The following RAP1GAP2 variants were observed in gnomAD, a reference collection of about 807,000 sequenced individuals.
RAP1GAP2 encodes RAP1 GTPase activating protein 2.
A neutral mutation model predicts 95.0 loss-of-function variants in RAP1GAP2; 27 were observed. The ratio of observed to expected loss-of-function variants is 0.28; its 90% confidence interval spans 0.21 to 0.39. RAP1GAP2 has a LOEUF of 0.39. Ranked by LOEUF, RAP1GAP2 falls within the 10% of genes least tolerant of loss-of-function variation. The probability of loss-of-function intolerance (pLI) is 1.00; values close to 1 mark genes in which losing one functional copy is unlikely to be tolerated. For synonymous variants in RAP1GAP2, 373 were observed against 380.9 expected, an observed-to-expected ratio of 0.98 and a Z score of 0.24; for missense variants, 771 against 970.0, an observed-to-expected ratio of 0.79 and a Z score of 2.72.
chr17:2,875,129 C>T (rs549260173), intron 2 of RAP1GAP2, among the ~76,000 whole-genome samples: 3 of 152,110 alleles, frequency 2.0e-5, no homozygotes, highest in Non-Finnish European at 4.4e-5. Context: ...TGCAATGGTG[C>T]GATCTCGGCT....
rs2047158378 is a variant in RAP1GAP2, at chr17:3,027,359, T to G, written c.2107+289T>G. 6.6e-6 allele frequency among the ~76,000 whole-genome samples: 1 copy of G among 152,136 alleles called. No individual in the cohort carries two copies. The highest frequency in any genetic ancestry group is 1.5e-5 in the Non-Finnish European group (1 of 68,016). On this transcript the variant is annotated intron_variant, in intron 22 of 24. Coordinates refer to ENST00000254695, the MANE Select transcript of RAP1GAP2 (RefSeq NM_015085.5). This position sits in a 1 kb window ranked among gnomAD's most constrained non-coding sequence, Gnocchi z 5.2. ...TTGGCAGTGGGAAAGCTGAGCACTTTCCATTAGCCCTTCTCCCCACCTGCC... is the reference window on the plus strand; with the variant it reads ...TTGGCAGTGGGAAAGCTGAGCACTTGCCATTAGCCCTTCTCCCCACCTGCC...
chr17:2,927,293 A>C (rs1222841405), intron 3 of RAP1GAP2, among the ~76,000 whole-genome samples: 1 of 151,864 alleles, frequency 6.6e-6, no homozygotes, highest in Non-Finnish European at 1.5e-5. Flanking sequence ...AGCTGGGACT[A>C]CAGGCACCCG....
chr17:2,911,073 C>T (rs375800680), intron 3 of RAP1GAP2, among the ~76,000 whole-genome samples: 3 of 152,148 alleles, frequency 2.0e-5, no homozygotes, highest in South Asian at 2.1e-4. Flanking sequence ...GCTCATCTCA[C>T]GCTTGCGGGC....
At chr17:2,945,239 ATTTATTATT>A (rs1387189781) in intron 3 of RAP1GAP2, among the ~76,000 whole-genome samples, 3 of 151,984 alleles carry the variant, frequency 2.0e-5, no homozygotes, top group Non-Finnish European at 2.9e-5. Flanking sequence ...GTTTATTTTA[ATTTATTATT>A]TTTATTATTT....
intron 19 of RAP1GAP2, among the ~76,000 whole-genome samples, chr17:3,021,077 C>T (rs1375520997): frequency 6.6e-6 from 1 of 152,160 alleles, no homozygotes; most frequent in African/African-American, 2.4e-5. Flanking sequence ...AGTACTTGTG[C>T]ATATTTTTGG....
rs753861727 is a variant in RAP1GAP2 at position 2,957,761 on chromosome 17, G to A, written c.168G>A (p.Ser56=). 10 of 1,607,394 alleles carry A rather than the reference G, an allele frequency of 6.2e-6. No individual in the cohort carries two copies. The highest frequency in any genetic ancestry group is 2.3e-5 in the East Asian group (1 of 44,206). Residue 56 remains serine (S), a splice_region_variant and synonymous_variant, in exon 4 of 25, where the codon TCG becomes TCA. Transcript: ENST00000254695. The part of the protein sequence containing the change: ...PPLTAPPTMK[S]SEFFEMLEKM... ...GTCCCCCTGCTTTTGTCTTTCAGTC[G>A]TCGGAGTTCTTTGAGATGCTGGAGA...
chr17:3,008,193 G>C lies in RAP1GAP2; in HGVS notation c.1494+48G>C, dbSNP rs764718354. The C allele has an allele frequency of 1.2e-6, 2 of 1,609,720 alleles. No homozygotes were observed. Among genetic ancestry groups the C allele is most frequent in the East Asian group, 2.2e-5 (1 of 44,810 alleles). ...TGGTTGCTGTGGGGTTGGGATTGGG[G>C]AAGAAAGGAAGTGGTCCAAGGTCCA... On this transcript the variant is annotated intron_variant, in intron 17 of 24. Transcript: ENST00000254695. The surrounding 1 kb of genome is among the most constrained non-coding windows in gnomAD (Gnocchi z 4.2).
intron 2 of RAP1GAP2, among the ~76,000 whole-genome samples, chr17:2,809,493 A>G (rs1421550546): frequency 6.6e-6 from 1 of 152,100 alleles, no homozygotes; most frequent in African/African-American, 2.4e-5. Flanking sequence ...CCGAGACCCA[A>G]CCATCCCCGG....
At chr17:2,773,925 GT>G (rs2151437756), upstream of RAP1GAP2, among the ~76,000 whole-genome samples, 1 of 151,846 alleles carries the variant, frequency 6.6e-6, no homozygotes, top group African/African-American at 2.4e-5. Context: ...GCCCAACTAA[GT>G]TTTGTATTTT....
intron 3 of RAP1GAP2, among the ~76,000 whole-genome samples, chr17:2,950,799 T>C (rs986624294): frequency 6.6e-6 from 1 of 151,184 alleles, no homozygotes; most frequent in African/African-American, 2.4e-5. Context: ...TTAGTAGAGA[T>C]GGGGTTTCAT....
At chr17:2,978,476 T>C (rs919668534) in intron 8 of RAP1GAP2, among the ~76,000 whole-genome samples, 6 of 150,786 alleles carry the variant, frequency 4.0e-5, no homozygotes, top group Admixed American at 6.6e-5. Context: ...GTGGATAGAG[T>C]GGGATGGTGG....
chr17:2,854,374 G>A (rs1004146827), intron 2 of RAP1GAP2, among the ~76,000 whole-genome samples: 2 of 152,212 alleles, frequency 1.3e-5, no homozygotes, highest in East Asian at 3.9e-4. Flanking sequence ...GTCGCCCCCA[G>A]ACCCTTTGCA....
At chr17:2,874,330 A>G (rs1300456043) in intron 2 of RAP1GAP2, among the ~76,000 whole-genome samples, 1 of 152,164 alleles carries the variant, frequency 6.6e-6, no homozygotes, top group Admixed American at 6.5e-5. Flanking sequence ...CAAGGGAGGA[A>G]TGGTTGGAAT....
At chr17:2,837,253 GAAAAAAA>G (rs35688344) in intron 2 of RAP1GAP2, among the ~76,000 whole-genome samples, 2 of 112,760 alleles carry the variant, frequency 1.8e-5, no homozygotes, top group African/African-American at 6.6e-5. Flanking sequence ...TCTGTCTCTG[GAAAAAAA>G]AAAAAAAAAA....
intron 3 of RAP1GAP2, among the ~76,000 whole-genome samples, chr17:2,914,982 A>C (rs1463016747): frequency 1.4e-5 from 2 of 145,030 alleles, no homozygotes; most frequent in Admixed American, 1.4e-4. Flanking sequence ...AGTAAAGACA[A>C]GGTTTCACCA....
rs1002817394 is a variant in RAP1GAP2, at chr17:3,026,890, T to C, written c.1981-54T>C. ...TTTTGGGGGCTGCCTCAGGCCTGCG[T>C]GGGCGCAGCTGCCGAGGGTGGGCTG... is the stretch of plus-strand genomic sequence containing the variant. On this transcript the variant is annotated intron_variant, in intron 21 of 24. Transcript: ENST00000254695. The C allele has an allele frequency of 2.5e-5, 39 of 1,529,516 alleles. No individual in the cohort carries two copies. The African/African-American group carries it at 5.2e-4, about 21-fold the overall frequency. The allele number at this position is 1,529,516 out of a possible 1,614,324, so 94.7% of individuals were successfully genotyped here. A position where few individuals can be genotyped will look rare whatever the true frequency, so the allele number is the denominator to read the frequency against.
chr17:2,883,993 C>T (rs1329412047), intron 2 of RAP1GAP2, among the ~76,000 whole-genome samples: 1 of 152,228 alleles, frequency 6.6e-6, no homozygotes, highest in African/African-American at 2.4e-5. Flanking sequence ...GAACTGTGGG[C>T]TCCTGTCAGC....
intron 2 of RAP1GAP2, among the ~76,000 whole-genome samples, chr17:2,810,159 C>T (rs916781791): frequency 6.6e-6 from 1 of 151,848 alleles, no homozygotes; most frequent in Admixed American, 6.6e-5. Flanking sequence ...TGGTGAAGGG[C>T]GAGGGGAGCA....
Position 3,008,192 on chromosome 17 carries a change from G to A in RAP1GAP2, c.1494+47G>A. On this transcript the variant is annotated intron_variant, in intron 17 of 24. Transcript: ENST00000254695. The surrounding 1 kb of genome is among the most constrained non-coding windows in gnomAD (Gnocchi z 4.2). ...ATGGTTGCTGTGGGGTTGGGATTGG[G>A]GAAGAAAGGAAGTGGTCCAAGGTCC... The A allele has an allele frequency of 1.2e-6, 2 of 1,609,514 alleles. No individual in the cohort carries two copies. The highest frequency in any genetic ancestry group is 1.7e-5 in the Admixed American group (1 of 59,832).
Sources: allele counts gnomAD v4.1 joint callset (sites outside exome capture counted in the v4.1 genomes callset), GRCh38; gene constraint gnomAD v4.1.1; non-coding constraint Gnocchi (gnomAD v3.1); transcripts MANE v1.5; gene names NCBI Gene and HGNC (gene_info 2026-07-23, HGNC 2026-07-21).